Variants in GABRP observed in about 807,000 individuals in gnomAD.
GABRP encodes the protein gamma-aminobutyric acid receptor subunit pi.
Under a neutral mutation model 47.8 loss-of-function variants are expected in GABRP, and 52 were observed. That is an observed-to-expected ratio of 1.09 (90% CI 0.87 to 1.37). The LOEUF is 1.37. Ranked by LOEUF, GABRP falls within the 40% of genes most tolerant of loss-of-function variation. GABRP has a pLI of 0.00. For missense variants in GABRP, 525 were observed against 542.8 expected, an observed-to-expected ratio of 0.97 and a Z score of 0.33; for synonymous variants, 221 against 205.8, an observed-to-expected ratio of 1.07 and a Z score of -0.63.
chr5:170,807,673 C>A (rs1765771085), intron 7 of GABRP, among the ~76,000 whole-genome samples: 1 of 152,122 alleles, frequency 6.6e-6, no homozygotes, highest in African/African-American at 2.4e-5. Flanking sequence ...ATTTACCCAT[C>A]AATAAAGTAA....
In GABRP at chr5:170,808,640, G is replaced by A. The variant is rs774537324; in HGVS notation, c.720G>A (p.Arg240=). The change falls in exon 8 of 10, where the codon AGG becomes AGA. Residue 240 remains arginine (R), a synonymous_variant. Transcript: ENST00000265294. ...TRLVLQFELR[R]NVLYFILETY... ...TGGTCTTACAGTTTGAGCTTCGGAG[G>A]AATGTTCTGTATTTCATTTTGGAAA... 1.1e-5 allele frequency: 18 copies of A among 1,613,988 alleles called. No individual in the cohort carries two copies. The highest frequency in any genetic ancestry group is 1.5e-5 in the Non-Finnish European group (18 of 1,179,908).
Position 170,809,723 on chromosome 5 carries a change from A to G in GABRP, c.988A>G (p.Ser330Gly). ...GCTAGAATATGCAGTTGCTCACTAC[A>G]GTTCCTTACAGCAGATGGCAGCCAA... Reference protein sequence around the residue: ...ALLEYAVAHYSSLQQMAAKDR... With the variant: ...ALLEYAVAHYGSLQQMAAKDR... The change falls in exon 9 of 10, where the codon AGT (serine) becomes GGT (glycine). Residue 330 changes from serine (S) to glycine (G), a missense_variant. Transcript: ENST00000265294. 6.2e-7 allele frequency: 1 copy of G among 1,606,218 alleles called. No homozygotes were observed. The highest frequency in any genetic ancestry group is 8.5e-7 in the Non-Finnish European group (1 of 1,176,226).
At position 170,788,800 on chromosome 5, in the gene GABRP, G is replaced by C. The variant is rs553927610; in HGVS notation, c.53+132G>C. ...GGTCCACTCACTTCCCTGGAGCACCGAACAATGAAACTTCCTGCCATTTAC... is the reference window on the plus strand; with the variant it reads ...GGTCCACTCACTTCCCTGGAGCACCCAACAATGAAACTTCCTGCCATTTAC... On this transcript the variant is annotated intron_variant, in intron 2 of 9. Coordinates refer to ENST00000265294, the MANE Select transcript of GABRP (RefSeq NM_014211.3). 6 of 822,008 alleles carry C rather than the reference G, an allele frequency of 7.3e-6. No homozygotes were observed. In the East Asian group the frequency reaches 1.5e-4, roughly 20 times the overall value. The allele number at this position is 822,008 out of a possible 1,614,324, so 50.9% of individuals were successfully genotyped here.
chr5:170,788,785 C>A (rs1042548861), intron 2 of GABRP, 117 bp downstream of exon 2: 4 of 930,524 alleles, frequency 4.3e-6, no homozygotes, highest in Middle Eastern at 2.2e-4. Context: ...GGTCCACTCA[C>A]TTCCCTGGAG....
At chr5:170,784,882 G>A (rs1765089350) in intron 1 of GABRP, among the ~76,000 whole-genome samples, 1 of 152,164 alleles carries the variant, frequency 6.6e-6, no homozygotes, top group Admixed American at 6.5e-5. Flanking sequence ...TAATGCATAG[G>A]CTGCCCCTAC....
In GABRP at chr5:170,795,290, A is replaced by T; in HGVS notation, c.323A>T (p.Asp108Val). The change falls in exon 5 of 10, where the codon GAT (aspartate) becomes GTT (valine). Residue 108 changes from aspartate to valine, a missense_variant. Transcript: ENST00000265294. ...VFEGNKSFTL[D>V]ARLVEFLWVP... is the part of the protein sequence containing the mutation. ...GAAGGCAACAAGAGCTTCACTCTGGATGCCCGCCTCGTGGAGTTCCTCTGG... is the reference window on the plus strand; with the variant it reads ...GAAGGCAACAAGAGCTTCACTCTGGTTGCCCGCCTCGTGGAGTTCCTCTGG... The T allele has an allele frequency of 6.2e-7, 1 of 1,613,714 alleles. No homozygotes were observed. Among genetic ancestry groups the T allele is most frequent in the Non-Finnish European group, 8.5e-7 (1 of 1,179,882 alleles).
chr5:170,798,391 C>T (rs1245671725), intron 6 of GABRP, among the ~76,000 whole-genome samples: 1 of 152,166 alleles, frequency 6.6e-6, no homozygotes, highest in Non-Finnish European at 1.5e-5. Flanking sequence ...CGTGAAATTC[C>T]AAGAAGGAGT....
rs202237766 is a variant in GABRP, at chr5:170,812,060, C to A, written c.1125C>A (p.Ser375Arg). Residue 375 changes from serine to arginine, a missense_variant, in exon 10 of 10, where the codon AGC (serine) becomes AGA (arginine). By Grantham distance (110) the Ser-to-Arg change is moderately radical. Transcript: ENST00000265294. ...GCTTTGCCAGCATTGAAATTTCCAG[C>A]GACAACGTTGACTACAGTGACTTGA... is the stretch of plus-strand genomic sequence containing the variant. ...KISFASIEISSDNVDYSDLTM... is the reference protein window; with the variant it reads ...KISFASIEISRDNVDYSDLTM... 6.2e-7 allele frequency: 1 copy of A among 1,613,990 alleles called. No homozygotes were observed. The highest frequency in any genetic ancestry group is 8.5e-7 in the Non-Finnish European group (1 of 1,180,028).
intron 8 of GABRP, among the ~76,000 whole-genome samples, 190 bp downstream of exon 8, chr5:170,808,942 G>GTT (rs150989217): frequency 6.8e-6 from 1 of 147,348 alleles, no homozygotes; most frequent in African/African-American, 2.5e-5. Context: ...TTTTGTTGTT[G>GTT]TTTTTTTTTT....
intron 6 of GABRP, among the ~76,000 whole-genome samples, chr5:170,800,293 A>T (rs560747779): frequency 3.9e-4 from 59 of 152,362 alleles, no homozygotes; most frequent in Middle Eastern, 3.4e-3. Context: ...AGCCATATGT[A>T]GAAAGCTGAA....
intron 6 of GABRP, among the ~76,000 whole-genome samples, chr5:170,803,314 C>G (rs1269799496): frequency 3.3e-5 from 5 of 152,150 alleles, no homozygotes; most frequent in Admixed American, 3.3e-4. Context: ...TCTTTGAAAA[C>G]AAAGGCAATA....
At chr5:170,807,650 T>C (rs981627588) in intron 7 of GABRP, among the ~76,000 whole-genome samples, 4 of 152,174 alleles carry the variant, frequency 2.6e-5, no homozygotes, top group African/African-American at 9.7e-5. Context: ...TCACTAAAAC[T>C]TCCTGTGTCT....
At chr5:170,793,744 G>A (rs578053518) in intron 3 of GABRP, among the ~76,000 whole-genome samples, 40 of 151,464 alleles carry the variant, frequency 2.6e-4, no homozygotes, top group African/African-American at 9.0e-4. Flanking sequence ...TTCCTTATGC[G>A]TTAATTCAGC....
At chr5:170,800,950 CA>C (rs1174816642) in intron 6 of GABRP, among the ~76,000 whole-genome samples, 1 of 151,846 alleles carries the variant, frequency 6.6e-6, no homozygotes, top group East Asian at 1.9e-4. Flanking sequence ...CCATCTCAAA[CA>C]AAAAAATATA....
chr5:170,784,154 C>T (rs1161262188), intron 1 of GABRP, among the ~76,000 whole-genome samples: 1 of 152,172 alleles, frequency 6.6e-6, no homozygotes, highest in Admixed American at 6.5e-5. Flanking sequence ...TTTTCTTAAG[C>T]GGGACCCATG....
intron 9 of GABRP, among the ~76,000 whole-genome samples, chr5:170,810,273 C>T (rs959332012): frequency 6.7e-6 from 1 of 148,258 alleles, no homozygotes; most frequent in African/African-American, 2.5e-5. Context: ...TATAGTCCAG[C>T]TCTCTAAATA....
chr5:170,808,469 A>G (rs144938622), intron 7 of GABRP, 131 bp from the exon 8 acceptor site: 648 of 754,240 alleles, frequency 8.6e-4, no homozygotes, highest in Non-Finnish European at 1.2e-3. Flanking sequence ...GGAAATCATA[A>G]TGACAGTTCA....
At chr5:170,790,788 T>G (rs1218331815) in intron 3 of GABRP, among the ~76,000 whole-genome samples, 1 of 152,148 alleles carries the variant, frequency 6.6e-6, no homozygotes. Context: ...ATATCCCCAC[T>G]GTGTTCAGTC....
intron 6 of GABRP, among the ~76,000 whole-genome samples, chr5:170,797,773 CTA>C (rs550730848): frequency 1.8e-3 from 272 of 152,274 alleles, no homozygotes; most frequent in Admixed American, 5.2e-3. Flanking sequence ...ATATCTCCAC[CTA>C]TGAGTGGACA....
Sources: gnomAD v4.1 joint callset for allele counts (sites outside exome capture counted in the v4.1 genomes callset) on GRCh38, gnomAD v4.1.1 for gene constraint, MANE v1.5 for transcripts, NCBI Gene and HGNC (gene_info 2026-07-23, HGNC 2026-07-21) for gene names.